The following GSG1L variants were observed in gnomAD, a reference collection of about 807,000 sequenced individuals.
GSG1L encodes the protein GSG1 like.
In GSG1L, 24 loss-of-function variants were observed where a neutral mutation model predicts 42.1. The ratio of observed to expected loss-of-function variants is 0.57; its 90% CI spans 0.41 to 0.80. The LOEUF (loss-of-function observed/expected upper bound fraction) is 0.80. Ranked by LOEUF, GSG1L falls within the 30% of genes least tolerant of loss-of-function variation. The pLI is 0.00. For synonymous variants in GSG1L, 215 were observed against 203.5 expected, an observed-to-expected ratio of 1.06 and a Z score of -0.48; for missense variants, 445 against 472.2, an observed-to-expected ratio of 0.94 and a Z score of 0.53.
At chr16:27,822,908 G>C (rs938322583) in intron 5 of GSG1L, among the ~76,000 whole-genome samples, 2 of 151,930 alleles carry the variant, frequency 1.3e-5, no homozygotes. Context: ...AGAGGTGCAG[G>C]GGTCCCAGGA....
In GSG1L at chr16:27,789,220, G is replaced by A. The variant is rs142859281; in HGVS notation, c.*2150C>T. On this transcript the variant is annotated 3_prime_UTR_variant, in exon 7 of 7. Transcript: ENST00000447459. ...TAGATAGGTGTAAGGATAATGGATG[G>A]ATAGATGATGAATAGATGAAGAAAT... 3,212 of 152,302 alleles carry A rather than the reference G, an allele frequency of 0.021. 61 individuals carry two copies. Among genetic ancestry groups the A allele is most frequent in the Non-Finnish European group, 0.033 (2,247 of 68,030 alleles). The allele number at this position is 152,302 out of a possible 1,614,324, so 9.4% of individuals were successfully genotyped here. A position where few individuals can be genotyped will look rare whatever the true frequency, so the allele number is the denominator to read the frequency against.
intron 1 of GSG1L, among the ~76,000 whole-genome samples, chr16:27,975,137 G>A (rs1052193528): frequency 2.0e-5 from 3 of 152,090 alleles, no homozygotes; most frequent in African/African-American, 7.2e-5. Context: ...GCCGGCCTGG[G>A]AACCACACTT....
chr16:27,902,146 C>G (rs183664859), intron 2 of GSG1L, among the ~76,000 whole-genome samples: 2 of 152,170 alleles, frequency 1.3e-5, no homozygotes, highest in East Asian at 3.8e-4. Context: ...GTCCAGCACC[C>G]GCTCCGGGAA....
At chr16:27,991,577 G>A (rs890371301) in intron 1 of GSG1L, among the ~76,000 whole-genome samples, 1 of 151,294 alleles carries the variant, frequency 6.6e-6, no homozygotes, top group African/African-American at 2.4e-5. Context: ...GCTAACTTTT[G>A]TATTTTTAGT....
intron 4 of GSG1L, among the ~76,000 whole-genome samples, chr16:27,834,306 G>A (rs1006073848): frequency 1.3e-4 from 19 of 151,978 alleles, no homozygotes; most frequent in African/African-American, 1.9e-4. Flanking sequence ...TTATCATGAC[G>A]TATAATTATT....
chr16:28,000,689 G>A (rs933836023), intron 1 of GSG1L, among the ~76,000 whole-genome samples: 5 of 152,062 alleles, frequency 3.3e-5, no homozygotes, highest in African/African-American at 1.2e-4. Flanking sequence ...GCTTCCCACA[G>A]ACACTCTCAG....
At chr16:27,853,868 A>G (rs1175765474) in intron 3 of GSG1L, among the ~76,000 whole-genome samples, 2 of 152,130 alleles carry the variant, frequency 1.3e-5, no homozygotes, top group East Asian at 3.9e-4. Flanking sequence ...GGTCCAGGGT[A>G]ACCCAGGACA....
At chr16:27,924,722 A>C (rs2084571800) in intron 2 of GSG1L, among the ~76,000 whole-genome samples, 1 of 152,194 alleles carries the variant, frequency 6.6e-6, no homozygotes, top group African/African-American at 2.4e-5. Flanking sequence ...TAGAAGGAAA[A>C]TATCTCTGGA....
At chr16:28,023,067 G>A (rs1353344627) in intron 1 of GSG1L, among the ~76,000 whole-genome samples, 2 of 152,070 alleles carry the variant, frequency 1.3e-5, no homozygotes, top group South Asian at 2.1e-4. Context: ...GGCATCAAGC[G>A]ATCCTCCCAC....
At chr16:27,883,088 C>G (rs1019179069) in intron 3 of GSG1L, among the ~76,000 whole-genome samples, 3 of 144,828 alleles carry the variant, frequency 2.1e-5, no homozygotes, top group Non-Finnish European at 4.5e-5. Context: ...CACTGCTCTC[C>G]AGCCTAGGCA....
chr16:27,867,797 G>GC (rs142103199), intron 3 of GSG1L, among the ~76,000 whole-genome samples: 3 of 140,308 alleles, frequency 2.1e-5, no homozygotes, highest in African/African-American at 3.1e-5. Context: ...CTGAGGCCAC[G>GC]CCCCCTGAGG....
chr16:27,826,156 G>T (rs1156473564), intron 5 of GSG1L, among the ~76,000 whole-genome samples: 1 of 151,734 alleles, frequency 6.6e-6, no homozygotes, highest in East Asian at 1.9e-4. Context: ...AAGTAGAAAG[G>T]TCCCAAGGTG....
intron 5 of GSG1L, among the ~76,000 whole-genome samples, chr16:27,823,436 G>A (rs536090510): frequency 6.6e-5 from 10 of 152,176 alleles, no homozygotes; most frequent in African/African-American, 2.4e-4. Flanking sequence ...GGCTCTTGCA[G>A]AGGGTAATCC....
chr16:27,920,847 G>C lies in GSG1L; in HGVS notation c.398-36209C>G, dbSNP rs145436456. On this transcript the variant is annotated intron_variant, in intron 2 of 6. Coordinates refer to ENST00000447459, the MANE Select transcript of GSG1L (RefSeq NM_001109763.2). ...AGCAGAGGCAACCAGGCAGGGACAG[G>C]CTTCACGGCTGCAGTGGCCAAGAGC... 2.6e-5 allele frequency among the ~76,000 whole-genome samples: 4 copies of C among 152,314 alleles called. No homozygotes were observed. The South Asian group carries it at 8.3e-4, about 32-fold the overall frequency.
intron 1 of GSG1L, among the ~76,000 whole-genome samples, chr16:28,015,822 C>G (rs1359790735): frequency 6.6e-6 from 1 of 152,170 alleles, no homozygotes; most frequent in Non-Finnish European, 1.5e-5. Context: ...GCCTCTGGTA[C>G]CAGCTTGGTT....
At chr16:28,016,269 A>G (rs999794294) in intron 1 of GSG1L, among the ~76,000 whole-genome samples, 2 of 152,194 alleles carry the variant, frequency 1.3e-5, no homozygotes, top group African/African-American at 4.8e-5. Context: ...AATTACAAGC[A>G]TGAGCCACAC....
At chr16:27,946,581 G>GAA (rs773842749) in intron 2 of GSG1L, among the ~76,000 whole-genome samples, 743 of 26,812 alleles carry the variant, frequency 0.028, 4 homozygotes, top group Admixed American at 0.035. Flanking sequence ...AAGAAAGAAA[G>GAA]AGAGAGAGAG....
chr16:27,946,437 C>T lies in GSG1L; in HGVS notation c.397+16719G>A, dbSNP rs79997615. On this transcript the variant is annotated intron_variant, in intron 2 of 6. Transcript: ENST00000447459. The stretch of plus-strand genomic sequence containing the variant: ...GCGGGCACCTGTAATCCCAGCTACT[C>T]AGGAGGCTGAGGCAAAAGAATCGCT... 1.7e-4 allele frequency among the ~76,000 whole-genome samples: 25 copies of T among 151,514 alleles called. 1 individual carries two copies. The highest frequency in any genetic ancestry group is 4.6e-4 in the Admixed American group (7 of 15,182).
At chr16:27,850,691 G>C in intron 3 of GSG1L, 1 of 409,242 alleles carries the variant, frequency 2.4e-6, no homozygotes, top group Non-Finnish European at 4.9e-6. Context: ...ATGCTGCCTG[G>C]GGAAGTGGGA....
Sources: allele counts gnomAD v4.1 joint callset (sites outside exome capture counted in the v4.1 genomes callset), GRCh38; gene constraint gnomAD v4.1.1; transcripts MANE v1.5; gene names NCBI Gene and HGNC (gene_info 2026-07-23, HGNC 2026-07-21).